RELN: variants seen among roughly 807,000 people sequenced by gnomAD.
RELN encodes the protein reelin.
Under a neutral mutation model 427.6 loss-of-function variants are expected in RELN, and 108 were observed. The observed-to-expected ratio is 0.25, with a 90% CI of 0.22 to 0.30. RELN has a LOEUF of 0.30. Among genes scored for constraint, RELN ranks in the 10% least tolerant of loss-of-function variants. RELN has a pLI of 1.00. For missense variants in RELN, 3,715 were observed against 4,302.8 expected, an observed-to-expected ratio of 0.86 and a Z score of 3.82; for synonymous variants, 1,524 against 1,513.4, an observed-to-expected ratio of 1.01 and a Z score of -0.16.
intron 3 of RELN, among the ~76,000 whole-genome samples, chr7:103,810,467 G>T (rs1175106245): frequency 6.6e-6 from 1 of 152,138 alleles, no homozygotes; most frequent in Non-Finnish European, 1.5e-5. Context: ...AGACATTTGT[G>T]TCAGTTTCTT....
chr7:103,952,554 T>TCTC (rs1796354878), intron 1 of RELN, among the ~76,000 whole-genome samples: 1 of 149,860 alleles, frequency 6.7e-6, no homozygotes, highest in Non-Finnish European at 1.5e-5. Flanking sequence ...CTCTCACTCT[T>TCTC]TCTCTCTCTC....
chr7:103,835,555 G>T (rs371872882), intron 2 of RELN, among the ~76,000 whole-genome samples: 2 of 152,150 alleles, frequency 1.3e-5, no homozygotes, highest in Admixed American at 6.5e-5. Flanking sequence ...GGGATAGTGG[G>T]TGTATGGCAA....
chr7:103,533,565 G>C (rs1829985730), intron 46 of RELN, among the ~76,000 whole-genome samples: 1 of 152,082 alleles, frequency 6.6e-6, no homozygotes, highest in African/African-American at 2.4e-5. Context: ...CTTGTTACAA[G>C]GCAGTGTCAC....
At chr7:103,527,785 C>A (rs1829854435) in intron 46 of RELN, among the ~76,000 whole-genome samples, 1 of 152,124 alleles carries the variant, frequency 6.6e-6, no homozygotes, top group Non-Finnish European at 1.5e-5. Flanking sequence ...GGAGAATATT[C>A]CAAAGAAGAT....
At position 103,603,014 on chromosome 7, in the gene RELN, C is replaced by A. The variant is rs1329065922; in HGVS notation, c.3333+290G>T. On this transcript the variant is annotated intron_variant, in intron 24 of 64. Transcript: ENST00000428762. This position sits in a 1 kb window ranked among gnomAD's most constrained non-coding sequence, Gnocchi z 4.3. ...TCCCTACGCAAACTTCCTCAATACA[C>A]AAGCCTGGCTGGAAATGAAGGAAAG... Among the ~76,000 whole-genome samples, 3 of 152,078 alleles carry A rather than the reference C, an allele frequency of 2.0e-5. No homozygotes were observed. Among genetic ancestry groups the A allele is most frequent in the African/African-American group, 7.2e-5 (3 of 41,408 alleles).
At chr7:103,855,669 G>A (rs1793928601) in intron 2 of RELN, among the ~76,000 whole-genome samples, 1 of 152,106 alleles carries the variant, frequency 6.6e-6, no homozygotes, top group African/African-American at 2.4e-5. Context: ...CTGGAGTCTA[G>A]GAGTCCAACA....
intron 40 of RELN, among the ~76,000 whole-genome samples, chr7:103,552,036 A>G (rs1562886724): frequency 2.0e-5 from 3 of 151,920 alleles, no homozygotes; most frequent in South Asian, 2.1e-4. Context: ...CATGCTGTGC[A>G]TTGGATCTCT....
intron 4 of RELN, among the ~76,000 whole-genome samples, chr7:103,770,310 T>G (rs983392020): frequency 6.6e-6 from 1 of 152,184 alleles, no homozygotes; most frequent in Admixed American, 6.5e-5. Context: ...CGTCTCAATC[T>G]CCTGACTTCG....
At chr7:103,844,005 C>A (rs1270780401) in intron 2 of RELN, among the ~76,000 whole-genome samples, 1 of 152,212 alleles carries the variant, frequency 6.6e-6, no homozygotes, top group East Asian at 1.9e-4. Context: ...TGCTGGCTAC[C>A]TGTCCAGAAA....
intron 6 of RELN, among the ~76,000 whole-genome samples, chr7:103,745,602 A>T (rs925870490): frequency 6.6e-6 from 1 of 151,676 alleles, no homozygotes; most frequent in Admixed American, 6.6e-5. Flanking sequence ...AAAAATCACA[A>T]GCATTCTTAT....
At chr7:103,873,743 C>G (rs2116536400) in intron 2 of RELN, among the ~76,000 whole-genome samples, 1 of 144,226 alleles carries the variant, frequency 6.9e-6, no homozygotes, top group African/African-American at 2.5e-5. Context: ...GAGTCCAGGA[C>G]CAGATGGATT....
Position 103,510,896 on chromosome 7 carries a change from C to T in RELN, c.8229G>A (p.Val2743=). ...GSHDGREVYA[V]THDLTPTEGW... ...CTTCAGTGGGAGTCAGGTCATGGGT[C>T]ACTGCATACACCTCCCGTCCATCAT... The change falls in exon 51 of 65, where the codon GTG becomes GTA. Residue 2743 remains valine, a synonymous_variant. Transcript: ENST00000428762. The T allele has an allele frequency of 1.2e-6, 2 of 1,613,548 alleles. No homozygotes were observed. Among genetic ancestry groups the T allele is most frequent in the South Asian group, 1.1e-5 (1 of 91,060 alleles).
intron 4 of RELN, among the ~76,000 whole-genome samples, chr7:103,755,767 C>G (rs1215485664): frequency 1.5e-5 from 2 of 136,358 alleles, no homozygotes; most frequent in Admixed American, 7.8e-5. Context: ...GTGAGCTGAT[C>G]GCACAACCGC....
intron 3 of RELN, among the ~76,000 whole-genome samples, chr7:103,791,943 A>G (rs1275599717): frequency 6.6e-6 from 1 of 152,088 alleles, no homozygotes; most frequent in East Asian, 1.9e-4. Flanking sequence ...TATCCAAAGA[A>G]AAAATACAAA....
Position 103,565,271 on chromosome 7 carries a change from T to C in RELN, c.5210+7A>G. 7.4e-6 allele frequency: 12 copies of C among 1,614,082 alleles called. No individual in the cohort carries two copies. Among genetic ancestry groups the C allele is most frequent in the Non-Finnish European group, 1.0e-5 (12 of 1,179,974 alleles). ...GTTCTGACATGTAGCCAAATGACAA[T>C]TCTCACATGGTGGAGAGTGGAAGGT... On this transcript the variant is annotated splice_region_variant and intron_variant, in intron 34 of 64. Coordinates refer to ENST00000428762, the MANE Select transcript of RELN (RefSeq NM_005045.4).
In RELN at chr7:103,523,423, A is replaced by G. The variant is rs1276394077; in HGVS notation, c.7458T>C (p.Ser2486=). Residue 2486 remains serine, a synonymous_variant, in exon 47 of 65, where the codon AGT becomes AGC. Transcript: ENST00000428762. The part of the protein sequence containing the change: ...YIGDGCIDMC[S]GHGRCIQGNC... The stretch of plus-strand genomic sequence containing the variant: ...TTCCCTGGATGCATCTCCCATGGCC[A>G]CTGCACATGTCTATGCAGCCATCCC... 1 of 1,614,176 alleles carries G rather than the reference A, an allele frequency of 6.2e-7. No individual in the cohort carries two copies. Among genetic ancestry groups the G allele is most frequent in the African/African-American group, 1.3e-5 (1 of 75,052 alleles).
At chr7:103,726,648 A>G (rs370829293) in intron 7 of RELN, among the ~76,000 whole-genome samples, 1 of 152,112 alleles carries the variant, frequency 6.6e-6, no homozygotes, top group East Asian at 1.9e-4. Context: ...TTTATTTCCT[A>G]TTAACCAGTG....
At chr7:103,825,033 C>T (rs1285276012) in intron 3 of RELN, among the ~76,000 whole-genome samples, 4 of 152,034 alleles carry the variant, frequency 2.6e-5, no homozygotes, top group Admixed American at 2.6e-4. Context: ...CCTGGTACAC[C>T]AGTACTCAAT....
chr7:103,712,751 T>C (rs1017282261), intron 8 of RELN, among the ~76,000 whole-genome samples: 1 of 152,250 alleles, frequency 6.6e-6, no homozygotes, highest in African/African-American at 2.4e-5. Context: ...TCCATGTTTT[T>C]TGTAATATGA....
Sources: gnomAD v4.1 joint callset for allele counts (sites outside exome capture counted in the v4.1 genomes callset) on GRCh38, gnomAD v4.1.1 for gene constraint, Gnocchi (gnomAD v3.1) non-coding constraint, MANE v1.5 for transcripts, NCBI Gene and HGNC (gene_info 2026-07-23, HGNC 2026-07-21) for gene names.